Variants in AUTS2 observed in about 807,000 individuals in gnomAD.
The protein encoded by AUTS2 is activator of transcription and developmental regulator AUTS2, also known as autism susceptibility gene 2 protein.
A neutral mutation model predicts 112.4 loss-of-function variants in AUTS2; 17 were observed. The observed-to-expected ratio is 0.15, with a 90% CI of 0.10 to 0.23. The LOEUF is 0.23. AUTS2 is among the 10% of genes least tolerant of loss of function. The pLI is 1.00. For synonymous variants in AUTS2, 751 were observed against 702.7 expected (o/e 1.07, Z -1.09); for missense variants, 1,510 against 1,701.6 (o/e 0.89, Z 1.98).
intron 5 of AUTS2, among the ~76,000 whole-genome samples, chr7:70,548,579 A>G (rs1030392230): frequency 6.6e-6 from 1 of 152,122 alleles, no homozygotes; most frequent in Non-Finnish European, 1.5e-5. Flanking sequence ...TTTTTTGTGT[A>G]TGGTATGAAA....
intron 2 of AUTS2, among the ~76,000 whole-genome samples, chr7:70,008,628 T>A (rs1216142257): frequency 6.6e-6 from 1 of 152,168 alleles, no homozygotes; most frequent in Non-Finnish European, 1.5e-5. Context: ...AACCTCAGTA[T>A]AACCTCATGA....
intron 1 of AUTS2, among the ~76,000 whole-genome samples, chr7:69,788,885 C>T (rs1789494680): frequency 6.6e-6 from 1 of 152,078 alleles, no homozygotes; most frequent in African/African-American, 2.4e-5. Flanking sequence ...CTGTCCGGTT[C>T]AGCTCTGACG....
intron 6 of AUTS2, 41 bp from the exon 7 acceptor site, chr7:70,762,829 T>G: frequency 7.1e-7 from 1 of 1,413,780 alleles, no homozygotes; most frequent in Non-Finnish European, 1.0e-6. Context: ...CACACTCGCA[T>G]GTCATTGCCT....
intron 2 of AUTS2, among the ~76,000 whole-genome samples, chr7:70,055,833 G>C (rs1274838562): frequency 6.6e-6 from 1 of 152,126 alleles, no homozygotes; most frequent in Non-Finnish European, 1.5e-5. Context: ...GATGTACCAA[G>C]TTTCTTCCTA....
At chr7:69,952,622 G>A (rs1235050486) in intron 2 of AUTS2, among the ~76,000 whole-genome samples, 1 of 151,966 alleles carries the variant, frequency 6.6e-6, no homozygotes, top group African/African-American at 2.4e-5. Context: ...CTGTAGCATT[G>A]GACTAGATCA....
chr7:69,674,932 A>G (rs1306257349), intron 1 of AUTS2, among the ~76,000 whole-genome samples: 1 of 152,128 alleles, frequency 6.6e-6, no homozygotes, highest in Non-Finnish European at 1.5e-5. Flanking sequence ...AGCATCCTAT[A>G]ATTTGGGCTC....
rs1331562446 is a variant in AUTS2, at chr7:70,434,327, A to G, written c.661-1425A>G. 2.0e-5 allele frequency among the ~76,000 whole-genome samples: 3 copies of G among 152,218 alleles called. No homozygotes were observed. In the East Asian group the frequency reaches 5.8e-4, roughly 29 times the overall value. ...TTTTTAACCTCAAAGTGTCAGGAGAAGGTACAGACTAGGGAGAAGGGAGTT... is the reference window on the plus strand; with the variant it reads ...TTTTTAACCTCAAAGTGTCAGGAGAGGGTACAGACTAGGGAGAAGGGAGTT... On this transcript the variant is annotated intron_variant, in intron 4 of 18. Transcript: ENST00000342771.
intron 2 of AUTS2, among the ~76,000 whole-genome samples, chr7:70,108,546 T>C (rs1452939326): frequency 6.6e-6 from 1 of 151,936 alleles, no homozygotes; most frequent in Non-Finnish European, 1.5e-5. Context: ...TAGGTATTGC[T>C]CCCCCTATCC....
chr7:70,128,062 TAATTA>T (rs1333580671), intron 3 of AUTS2, among the ~76,000 whole-genome samples: 2 of 152,184 alleles, frequency 1.3e-5, no homozygotes, highest in African/African-American at 4.8e-5. Flanking sequence ...CACATTGTTA[TAATTA>T]GATTAGGAAA....
chr7:70,760,165 C>A (rs976996616), intron 6 of AUTS2, among the ~76,000 whole-genome samples: 28 of 152,116 alleles, frequency 1.8e-4, no homozygotes, highest in Non-Finnish European at 3.8e-4. Flanking sequence ...GCCACCACGC[C>A]CGGCTAATTT....
intron 5 of AUTS2, among the ~76,000 whole-genome samples, chr7:70,620,066 G>A (rs1277778814): frequency 6.6e-6 from 1 of 152,092 alleles, no homozygotes; most frequent in Admixed American, 6.5e-5. Flanking sequence ...CGAGCCCATG[G>A]CCTTACCTGC....
intron 4 of AUTS2, among the ~76,000 whole-genome samples, chr7:70,151,428 A>G (rs998232060): frequency 3.9e-5 from 6 of 152,160 alleles, no homozygotes; most frequent in Non-Finnish European, 8.8e-5. Context: ...AGTATTGAGA[A>G]ATAATCAGTC....
chr7:70,685,004 T>A (rs1298031855), intron 5 of AUTS2, among the ~76,000 whole-genome samples: 1 of 152,168 alleles, frequency 6.6e-6, no homozygotes, highest in Non-Finnish European at 1.5e-5. Flanking sequence ...GCTCATGCTC[T>A]TTTTTCAGTC....
chr7:70,657,634 A>G (rs73451616), intron 5 of AUTS2, among the ~76,000 whole-genome samples: 5,273 of 152,290 alleles, frequency 0.035, 337 homozygotes, highest in African/African-American at 0.12. Context: ...ATTACTGAGC[A>G]TCTAATTTGC....
At chr7:70,748,753 G>T (rs1788620840) in intron 6 of AUTS2, among the ~76,000 whole-genome samples, 1 of 152,188 alleles carries the variant, frequency 6.6e-6, no homozygotes, top group Non-Finnish European at 1.5e-5. Context: ...AACACCTCAT[G>T]GTTCTTTCAT....
chr7:70,010,190 A>G (rs1255149546), intron 2 of AUTS2, among the ~76,000 whole-genome samples: 2 of 151,974 alleles, frequency 1.3e-5, no homozygotes, highest in Admixed American at 6.6e-5. Flanking sequence ...CTGTTGCCCA[A>G]ACTGGAGTGC....
At chr7:70,636,190 G>A (rs1805526153) in intron 5 of AUTS2, among the ~76,000 whole-genome samples, 1 of 152,176 alleles carries the variant, frequency 6.6e-6, no homozygotes, top group South Asian at 2.1e-4. Flanking sequence ...ACGAGGAGTG[G>A]CCCGGGCAAG....
At chr7:69,937,382 A>G (rs1040448400) in intron 2 of AUTS2, among the ~76,000 whole-genome samples, 18 of 152,296 alleles carry the variant, frequency 1.2e-4, no homozygotes, top group African/African-American at 4.3e-4. Context: ...GTTCTGATCC[A>G]TGGAATGGTG....
chr7:69,820,713 C>A (rs1301280241), intron 1 of AUTS2, among the ~76,000 whole-genome samples: 1 of 152,050 alleles, frequency 6.6e-6, no homozygotes, highest in Non-Finnish European at 1.5e-5. Context: ...AGTTATTGAG[C>A]CAGGTTTTGA....
Sources: allele counts gnomAD v4.1 joint callset (sites outside exome capture counted in the v4.1 genomes callset), GRCh38; gene constraint gnomAD v4.1.1; transcripts MANE v1.5; gene names NCBI Gene and HGNC (gene_info 2026-07-23, HGNC 2026-07-21).